The following RIMBP2 variants were observed in gnomAD, a reference collection of about 807,000 sequenced individuals.
RIMBP2 encodes RIMS-binding protein 2.
Under a neutral mutation model 118.6 loss-of-function variants are expected in RIMBP2, and 48 were observed. The observed-to-expected ratio is 0.40, with a 90% confidence interval of 0.32 to 0.51. RIMBP2 has a LOEUF of 0.51. RIMBP2 is among the 20% of genes least tolerant of loss of function. The pLI is 0.41. For synonymous variants in RIMBP2, 762 were observed against 742.9 expected, an observed-to-expected ratio of 1.03 and a Z score of -0.42; for missense variants, 1,551 against 1,768.3, an observed-to-expected ratio of 0.88 and a Z score of 2.20.
intron 4 of RIMBP2, among the ~76,000 whole-genome samples, chr12:130,493,807 T>C (rs1278993659): frequency 6.6e-6 from 1 of 152,242 alleles, no homozygotes. Flanking sequence ...TGTTCTACAT[T>C]TTCGTTGAAG....
intron 2 of RIMBP2, among the ~76,000 whole-genome samples, chr12:130,553,477 C>G (rs1192007837): frequency 2.6e-5 from 4 of 151,988 alleles, no homozygotes; most frequent in Non-Finnish European, 4.4e-5. Context: ...AATTTGAATG[C>G]TAGGTGTTAA....
chr12:130,518,090 A>G lies in RIMBP2; in HGVS notation c.-216-173T>C, dbSNP rs11060967. On this transcript the variant is annotated intron_variant, in intron 2 of 22. Coordinates refer to ENST00000690449, the MANE Select transcript of RIMBP2 (RefSeq NM_001393629.1). ...ATTTCTCTCTTTTTTCCAAACCATAAGTTTCCAAATCTACAAAAGGCAATC... is the reference window on the plus strand; with the variant it reads ...ATTTCTCTCTTTTTTCCAAACCATAGGTTTCCAAATCTACAAAAGGCAATC... Among the ~76,000 whole-genome samples the G allele has an allele frequency of 8.8e-3, 1,341 of 152,328 alleles. 13 individuals carry two copies. The highest frequency in any genetic ancestry group is 0.037 in the Admixed American group (568 of 15,298).
Position 130,420,466 on chromosome 12 carries a change from C to G in RIMBP2, c.3238+1987G>C, listed in dbSNP as rs553088663. 1.3e-5 allele frequency among the ~76,000 whole-genome samples: 2 copies of G among 152,160 alleles called. No homozygotes were observed. The highest frequency in any genetic ancestry group is 2.4e-5 in the African/African-American group (1 of 41,434). ...CAAGTGTGCTACTGAAATTAAGACA[C>G]GCATGCAGCCTTTGGAATTCTACGG... On this transcript the variant is annotated intron_variant, in intron 17 of 22. Coordinates refer to ENST00000690449, the MANE Select transcript of RIMBP2 (RefSeq NM_001393629.1). This position sits in a 1 kb window ranked among gnomAD's most constrained non-coding sequence, Gnocchi z 4.3.
intron 2 of RIMBP2, among the ~76,000 whole-genome samples, chr12:130,594,690 G>A (rs1566329597): frequency 2.0e-5 from 3 of 152,096 alleles, no homozygotes; most frequent in Non-Finnish European, 2.9e-5. Flanking sequence ...TTAAGGGGGG[G>A]GTGTGGGTAT....
chr12:130,583,515 T>C (rs1468185146), intron 2 of RIMBP2, among the ~76,000 whole-genome samples: 1 of 113,498 alleles, frequency 8.8e-6, no homozygotes, highest in African/African-American at 2.8e-5. Context: ...TTACCACCAT[T>C]ACATCATCAC....
intron 4 of RIMBP2, among the ~76,000 whole-genome samples, chr12:130,496,646 A>G (rs2049191587): frequency 6.7e-6 from 1 of 150,002 alleles, no homozygotes; most frequent in African/African-American, 2.4e-5. Flanking sequence ...TCGGGCCCCC[A>G]GCAGCTATGG....
intron 15 of RIMBP2, 158 bp downstream of exon 15, chr12:130,428,021 T>TG: frequency 1.5e-6 from 1 of 649,298 alleles, no homozygotes; most frequent in Non-Finnish European, 2.5e-6. Flanking sequence ...AATTCCCAAA[T>TG]GCAGATTCAA....
In RIMBP2 at chr12:130,491,851, G is replaced by A. The variant is rs35825545; in HGVS notation, c.-3-12835C>T. Reference sequence around the variant, plus strand: ...GTCTGAAACGCTCTGCCTGTGGCAGGATTTATTTTTAAAGCAGCGATATTT... The same window carrying A: ...GTCTGAAACGCTCTGCCTGTGGCAGAATTTATTTTTAAAGCAGCGATATTT... On this transcript the variant is annotated intron_variant, in intron 4 of 22. Transcript: ENST00000690449. 2.5e-3 allele frequency among the ~76,000 whole-genome samples: 377 copies of A among 152,340 alleles called. 2 individuals carry two copies. The highest frequency in any genetic ancestry group is 0.017 in the Middle Eastern group (5 of 294).
chr12:130,409,989 T>C (rs1025381338), intron 19 of RIMBP2, among the ~76,000 whole-genome samples: 2 of 152,224 alleles, frequency 1.3e-5, no homozygotes, highest in African/African-American at 4.8e-5. Context: ...TGCAGAGCGG[T>C]GATGCCATTT....
intron 2 of RIMBP2, among the ~76,000 whole-genome samples, chr12:130,571,028 AG>A (rs777451542): frequency 6.6e-6 from 1 of 152,230 alleles, no homozygotes; most frequent in Non-Finnish European, 1.5e-5. Context: ...AATTTATGGC[AG>A]GAACTGAGAA....
chr12:130,648,245 T>C (rs2063077054), intron 1 of RIMBP2, among the ~76,000 whole-genome samples: 2 of 145,942 alleles, frequency 1.4e-5, no homozygotes, highest in Non-Finnish European at 1.6e-5. Context: ...GCGCCACTAA[T>C]GGAAGAGGAA....
At position 130,434,845 on chromosome 12, in the gene RIMBP2, G is replaced by A. The variant is rs758734324; in HGVS notation, c.2142C>T (p.Ser714=). The change falls in exon 14 of 23, where the codon AGC becomes AGT. Residue 714 remains serine, a synonymous_variant. Coordinates refer to ENST00000690449, the MANE Select transcript of RIMBP2 (RefSeq NM_001393629.1). This position sits in a 1 kb window ranked among gnomAD's most constrained non-coding sequence, Gnocchi z 5.7. ...CGTCTGAGGCGGCGTACTGCCCCGC[G>A]CTGCTTCTCTCTAGGAAGACGCTCC... The part of the protein sequence containing the change: ...EKRSVFLERS[S]AGQYAASDEE... The A allele has an allele frequency of 1.1e-5, 18 of 1,612,690 alleles. No individual in the cohort carries two copies. The African/African-American group carries it at 1.2e-4, about 11-fold the overall frequency.
rs183653909 is a variant in RIMBP2 at position 130,424,919 on chromosome 12, G to A, written c.2413-61C>T. 3.0e-3 allele frequency: 3,076 copies of A among 1,029,056 alleles called. 91 individuals are homozygous for A. The Admixed American group carries it at 0.073, about 25-fold the overall frequency. 63.7% of individuals were successfully genotyped at this position (1,029,056 alleles called of 1,614,324 possible). The stretch of plus-strand genomic sequence containing the variant: ...AGAGTGTGTGGTCAGCATGAAGTGG[G>A]GGCCAGGGGAGGAAAGAAAATACAG... On this transcript the variant is annotated intron_variant, in intron 15 of 22. Coordinates refer to ENST00000690449, the MANE Select transcript of RIMBP2 (RefSeq NM_001393629.1). This position sits in a 1 kb window ranked among gnomAD's most constrained non-coding sequence, Gnocchi z 9.8.
At chr12:130,480,364 C>A (rs962367628) in intron 4 of RIMBP2, among the ~76,000 whole-genome samples, 5 of 152,112 alleles carry the variant, frequency 3.3e-5, no homozygotes, top group African/African-American at 1.2e-4. Flanking sequence ...GTGGGAGCTG[C>A]CCCTTCCGAT....
intron 2 of RIMBP2, among the ~76,000 whole-genome samples, chr12:130,565,686 A>C (rs2057165794): frequency 6.6e-6 from 1 of 152,160 alleles, no homozygotes; most frequent in Non-Finnish European, 1.5e-5. Flanking sequence ...TTTTAAAATT[A>C]TTTTGTAGCT....
At chr12:130,568,329 C>T (rs1386445204) in intron 2 of RIMBP2, among the ~76,000 whole-genome samples, 2 of 152,178 alleles carry the variant, frequency 1.3e-5, no homozygotes, top group African/African-American at 4.8e-5. Context: ...GCTCCCCAGA[C>T]AACTAACTCC....
At chr12:130,505,891 G>A (rs573100513) in intron 4 of RIMBP2, among the ~76,000 whole-genome samples, 73 of 98,362 alleles carry the variant, frequency 7.4e-4, no homozygotes, top group African/African-American at 2.8e-3. Flanking sequence ...AGCTCCAAAC[G>A]CTTCCCCAAA....
intron 2 of RIMBP2, among the ~76,000 whole-genome samples, chr12:130,573,645 C>T (rs114277183): frequency 0.013 from 1,993 of 152,154 alleles, 55 homozygotes; most frequent in African/African-American, 0.046. Flanking sequence ...TGACCCCCAC[C>T]TGGGGGGGTG....
intron 12 of RIMBP2, 30 bp downstream of exon 12, chr12:130,438,335 A>ACCCACC: frequency 3.5e-6 from 3 of 865,006 alleles, no homozygotes; most frequent in Non-Finnish European, 3.8e-6. Flanking sequence ...GGCCTAACAA[A>ACCCACC]CCCTCCCCAC....
Sources: allele counts gnomAD v4.1 joint callset (sites outside exome capture counted in the v4.1 genomes callset), GRCh38; gene constraint gnomAD v4.1.1; non-coding constraint Gnocchi (gnomAD v3.1); transcripts MANE v1.5; gene names NCBI Gene and HGNC (gene_info 2026-07-23, HGNC 2026-07-21).